PPFIA4: variants seen among roughly 807,000 people sequenced by gnomAD.
The protein encoded by PPFIA4 is PPFI scaffold protein A4, also known as liprin-alpha-4.
Under a neutral mutation model 145.7 loss-of-function variants are expected in PPFIA4, and 98 were observed. The observed-to-expected ratio is 0.67, with a 90% CI of 0.57 to 0.80. The LOEUF (loss-of-function observed/expected upper bound fraction) is 0.80. PPFIA4 is among the 30% of genes least tolerant of loss of function. The pLI, the probability that PPFIA4 is intolerant of heterozygous loss-of-function variation, is 0.00. For missense variants in PPFIA4, 1,457 were observed against 1,632.7 expected, an observed-to-expected ratio of 0.89 and a Z score of 1.85; for synonymous variants, 628 against 649.6, an observed-to-expected ratio of 0.97 and a Z score of 0.51.
Position 203,056,817 on chromosome 1 carries a change from C to T in PPFIA4, c.2274C>T (p.Ser758=), listed in dbSNP as rs1310514276. Residue 758 remains serine (S), a synonymous_variant, in exon 19 of 30, where the codon AGC becomes AGT. Coordinates refer to ENST00000295706, the MANE Select transcript of PPFIA4 (RefSeq NM_001304331.2). ...AGGATCAGGGCAGCAACCCCAGCAG[C>T]AGCAACAGCAGCCAGGACTCCCTGC... ...ALEDQGSNPS[S]SNSSQDSLHK... 6.2e-7 allele frequency: 1 copy of T among 1,613,526 alleles called. No individual in the cohort carries two copies. The highest frequency in any genetic ancestry group is 8.5e-7 in the Non-Finnish European group (1 of 1,179,628).
At position 203,055,978 on chromosome 1, in the gene PPFIA4, T is replaced by C. The variant is rs1457204274; in HGVS notation, c.2071-142T>C. The stretch of plus-strand genomic sequence containing the variant: ...GTTTTTCTAGGCCAGCTTTTTTTTT[T>C]TTTTCTGGCGTGATATTCTCTCCGG... On this transcript the variant is annotated intron_variant, in intron 16 of 29. Coordinates refer to ENST00000295706, the MANE Select transcript of PPFIA4 (RefSeq NM_001304331.2). This position sits in a 1 kb window ranked among gnomAD's most constrained non-coding sequence, Gnocchi z 4.8. 1.1e-6 allele frequency: 1 copy of C among 912,856 alleles called. No individual in the cohort carries two copies. The highest frequency in any genetic ancestry group is 1.6e-6 in the Non-Finnish European group (1 of 616,120). 56.5% of individuals were successfully genotyped at this position (912,856 alleles called of 1,614,324 possible). A position where few individuals can be genotyped will look rare whatever the true frequency, so the allele number is the denominator to read the frequency against.
At chr1:203,063,766 G>A (rs1431060469) in intron 24 of PPFIA4, 62 bp from the exon 25 acceptor site, 1 of 1,573,684 alleles carries the variant, frequency 6.4e-7, no homozygotes, top group East Asian at 2.2e-5. Flanking sequence ...AGCTATACCA[G>A]CCTCAGCCTG....
chr1:203,048,907 C>T lies in PPFIA4; in HGVS notation c.1357-11C>T, dbSNP rs1310907327. On this transcript the variant is annotated splice_polypyrimidine_tract_variant and intron_variant, in intron 11 of 29. Transcript: ENST00000295706. This position sits in a 1 kb window ranked among gnomAD's most constrained non-coding sequence, Gnocchi z 5.8. ...AAGGCAGGGGCCTGGCTCACAGCTG[C>T]TCTCCCCCAGAACACGTTGATCCAG... 6.5e-7 allele frequency: 1 copy of T among 1,548,186 alleles called. No homozygotes were observed. The highest frequency in any genetic ancestry group is 8.7e-7 in the Non-Finnish European group (1 of 1,146,700).
At position 203,076,654 on chromosome 1, in the gene PPFIA4, G is replaced by T; in HGVS notation, c.*264G>T. 1.8e-6 allele frequency: 1 copy of T among 540,864 alleles called. No individual in the cohort carries two copies. Among genetic ancestry groups the T allele is most frequent in the South Asian group, 2.1e-5 (1 of 47,342 alleles). The allele number at this position is 540,864 out of a possible 1,614,324, so 33.5% of individuals were successfully genotyped here. A position where few individuals can be genotyped will look rare whatever the true frequency, so the allele number is the denominator to read the frequency against. The stretch of plus-strand genomic sequence containing the variant: ...CAGGTTGTCCATGCTTGGGATTCTG[G>T]GGGAAGGAGAGAAGGGCAGCTCAGG... On this transcript the variant is annotated 3_prime_UTR_variant, in exon 30 of 30. Coordinates refer to ENST00000295706, the MANE Select transcript of PPFIA4 (RefSeq NM_001304331.2).
rs1661299381 is a variant in PPFIA4 at position 203,060,670 on chromosome 1, A to G, written c.2784+253A>G. Among the ~76,000 whole-genome samples, 1 of 151,894 alleles carries G rather than the reference A, an allele frequency of 6.6e-6. No homozygotes were observed. The highest frequency in any genetic ancestry group is 1.5e-5 in the Non-Finnish European group (1 of 67,988). Reference sequence around the variant, plus strand: ...CCATCCCTACTCTGCCAAAATTTCCACGTCTCTGGGCAGTTTCCAGGATGG... The same window carrying G: ...CCATCCCTACTCTGCCAAAATTTCCGCGTCTCTGGGCAGTTTCCAGGATGG... On this transcript the variant is annotated intron_variant, in intron 22 of 29. Coordinates refer to ENST00000295706, the MANE Select transcript of PPFIA4 (RefSeq NM_001304331.2). The surrounding 1 kb of genome is among the most constrained non-coding windows in gnomAD (Gnocchi z 4.8).
chr1:203,071,435 T>TGCTGAGATTACAGGCGTGAGCCACCGC (rs373961170), intron 27 of PPFIA4, among the ~76,000 whole-genome samples: 54,835 of 151,234 alleles, frequency 0.36, 10,389 homozygotes, highest in African/African-American at 0.45. Flanking sequence ...CCTCCCAAAG[T>TGCTGAGATTACAGGCGTGAGCCACCGC]GCCCGGCCAC....
Position 203,075,222 on chromosome 1 carries a change from G to A in PPFIA4, c.3394-355G>A, listed in dbSNP as rs1310924635. Among the ~76,000 whole-genome samples the A allele has an allele frequency of 6.6e-6, 1 of 152,096 alleles. No homozygotes were observed. Among genetic ancestry groups the A allele is most frequent in the South Asian group, 2.1e-4 (1 of 4,820 alleles). The stretch of plus-strand genomic sequence containing the variant: ...CCGGCTGTCACCTCCCATGGGCTGA[G>A]GCAGAGGAATGCCTTGAAAGGTGAA... On this transcript the variant is annotated intron_variant, in intron 28 of 29. Transcript: ENST00000295706. This position sits in a 1 kb window ranked among gnomAD's most constrained non-coding sequence, Gnocchi z 4.1.
rs764052901 is a variant in PPFIA4, at chr1:203,039,067, C to T, written c.59C>T (p.Ala20Val). 1 of 1,603,720 alleles carries T rather than the reference C, an allele frequency of 6.2e-7. No homozygotes were observed. Among genetic ancestry groups the T allele is most frequent in the Non-Finnish European group, 8.5e-7 (1 of 1,175,656 alleles). Residue 20 changes from alanine (A) to valine (V), a missense_variant, in exon 2 of 30, where the codon GCC (alanine) becomes GTC (valine). By Grantham distance (64) the Ala-to-Val change is moderately conservative. This residue lies in a region of PPFIA4 where 463 missense variants were observed against 459.8 expected (regional missense o/e 1.01). Coordinates refer to ENST00000295706, the MANE Select transcript of PPFIA4 (RefSeq NM_001304331.2). ...GACCGCCTGGGTCCCCCTCATGGCG[C>T]CGATGCTGACGCCAACTTCGAGCAG... Reference protein sequence around the residue: ...EGDRLGPPHGADADANFEQLM... With the variant: ...EGDRLGPPHGVDADANFEQLM...
At chr1:203,067,293 A>G (rs990800755) in intron 25 of PPFIA4, among the ~76,000 whole-genome samples, 2 of 152,160 alleles carry the variant, frequency 1.3e-5, no homozygotes, top group Non-Finnish European at 2.9e-5. Context: ...ATCATGGAGT[A>G]TCTTATAGGC....
chr1:203,032,430 T>TTTTTTTGTTG (rs57892403), intron 1 of PPFIA4, among the ~76,000 whole-genome samples: 1 of 139,382 alleles, frequency 7.2e-6, no homozygotes, highest in Non-Finnish European at 1.5e-5. Context: ...TCCCCGCTTT[T>TTTTTTTGTTG]TTGTTGTTGT....
Position 203,048,224 on chromosome 1 carries a change from T to C in PPFIA4, c.1141-3T>C, listed in dbSNP as rs752417099. 4 of 1,612,690 alleles carry C rather than the reference T, an allele frequency of 2.5e-6. No homozygotes were observed. Among genetic ancestry groups the C allele is most frequent in the Non-Finnish European group, 3.4e-6 (4 of 1,179,822 alleles). ...GGCTGCACCGACCCATCCCTGCCCC[T>C]AGGCTGAAGAACGGCATGGCAACAT... On this transcript the variant is annotated splice_polypyrimidine_tract_variant and splice_region_variant and intron_variant, in intron 9 of 29. Coordinates refer to ENST00000295706, the MANE Select transcript of PPFIA4 (RefSeq NM_001304331.2). The surrounding 1 kb of genome is among the most constrained non-coding windows in gnomAD (Gnocchi z 5.8).
intron 24 of PPFIA4, among the ~76,000 whole-genome samples, chr1:203,062,020 G>A (rs377265112): frequency 2.0e-5 from 3 of 152,120 alleles, no homozygotes; most frequent in African/African-American, 4.8e-5. Context: ...TGAACTGAGC[G>A]AAGGTCTTTC....
At chr1:203,071,845 C>T (rs988149825) in intron 28 of PPFIA4, 85 bp downstream of exon 28, 42 of 1,188,360 alleles carry the variant, frequency 3.5e-5, no homozygotes, top group Non-Finnish European at 4.9e-5. Flanking sequence ...CTTCCCTGGG[C>T]TAATTGTTGG....
chr1:203,065,629 G>A (rs1479229491), intron 25 of PPFIA4, among the ~76,000 whole-genome samples: 9 of 152,198 alleles, frequency 5.9e-5, no homozygotes, highest in African/African-American at 1.4e-4. Flanking sequence ...ACATCTCACC[G>A]CCAAACTATG....
chr1:203,055,632 G>A lies in PPFIA4; in HGVS notation c.2030G>A (p.Ser677Asn), dbSNP rs1454028511. 1 of 1,613,904 alleles carries A rather than the reference G, an allele frequency of 6.2e-7. No homozygotes were observed. The highest frequency in any genetic ancestry group is 1.3e-5 in the African/African-American group (1 of 74,924). ...GRSTPKLTSR[S>N]AAQDLDRMGV... is the part of the protein sequence containing the mutation. The stretch of plus-strand genomic sequence containing the variant: ...TCCACACCTAAGCTCACCTCCCGCA[G>A]TGCTGCCCAGGACCTGGACCGAATG... The change falls in exon 16 of 30, where the codon AGT becomes AAT. Residue 677 changes from serine to asparagine, a missense_variant. Around this residue, in one of 3 missense-constraint regions of PPFIA4, gnomAD observed 848 missense variants for 1,046.7 expected, o/e 0.81. Coordinates refer to ENST00000295706, the MANE Select transcript of PPFIA4 (RefSeq NM_001304331.2). This position sits in a 1 kb window ranked among gnomAD's most constrained non-coding sequence, Gnocchi z 4.8.
rs1303844049 is a variant in PPFIA4 at position 203,076,383 on chromosome 1, G to C, written c.3617G>C (p.Arg1206Pro). The C allele has an allele frequency of 6.2e-7, 1 of 1,608,504 alleles. No homozygotes were observed. Among genetic ancestry groups the C allele is most frequent in the Non-Finnish European group, 8.5e-7 (1 of 1,179,804 alleles). Residue 1206 changes from arginine to proline, a missense_variant, in exon 30 of 30, where the codon CGG (arginine) becomes CCG (proline). This residue lies in a region of PPFIA4 where 146 missense variants were observed against 126.2 expected (regional missense o/e 1.16). Transcript: ENST00000295706. ...YLYGHMLSAF[R>P]D ...TACGGACACATGCTCTCCGCCTTCC[G>C]GGACTAGCCATGGCCCCCAGGGCTG...
chr1:203,052,025 T>A, intron 14 of PPFIA4, 148 bp downstream of exon 14: 1 of 768,268 alleles, frequency 1.3e-6, no homozygotes, highest in Non-Finnish European at 2.0e-6. Flanking sequence ...GTTGAGGCCA[T>A]CGTCAGCTGC....
At chr1:203,071,666 T>A (rs370616150) in intron 27 of PPFIA4, 26 bp from the exon 28 acceptor site, 3 of 1,574,544 alleles carry the variant, frequency 1.9e-6, no homozygotes, top group Non-Finnish European at 2.6e-6. Flanking sequence ...TTCCCACCTT[T>A]CCCTCTCCTG....
intron 2 of PPFIA4, among the ~76,000 whole-genome samples, chr1:203,040,043 G>C (rs1173140821): frequency 6.6e-6 from 1 of 152,260 alleles, no homozygotes; most frequent in East Asian, 1.9e-4. Context: ...CCACTTGGTA[G>C]ATATTCCAGG....
Sources: gnomAD v4.1 joint callset for allele counts (sites outside exome capture counted in the v4.1 genomes callset) on GRCh38, gnomAD v4.1.1 for gene constraint, gnomAD v4.1.1 regional missense constraint, Gnocchi (gnomAD v3.1) non-coding constraint, MANE v1.5 for transcripts, NCBI Gene and HGNC (gene_info 2026-07-23, HGNC 2026-07-21) for gene names.